LRRC73: variants seen among roughly 807,000 people sequenced by gnomAD.
The protein encoded by LRRC73 is leucine-rich repeat-containing protein 73.
A neutral mutation model predicts 26.4 loss-of-function variants in LRRC73; 16 were observed. The ratio of observed to expected loss-of-function variants is 0.61; its 90% CI spans 0.41 to 0.92. LRRC73 has a LOEUF of 0.92. LRRC73 is among the 40% of genes least tolerant of loss of function. The probability of loss-of-function intolerance (pLI) is 0.00; values close to 1 mark genes in which losing one functional copy is unlikely to be tolerated. For synonymous variants in LRRC73, 210 were observed against 179.8 expected (o/e 1.17, Z -1.34); for missense variants, 344 against 416.3 (o/e 0.83, Z 1.51).
At chr6:43,509,378 G>T in intron 1 of LRRC73, 136 bp downstream of exon 1, 1 of 1,160,490 alleles carries the variant, frequency 8.6e-7, no homozygotes, top group Non-Finnish European at 1.2e-6. Flanking sequence ...GAAGGCATGG[G>T]CCGAGGCACG....
rs1331312946 is a variant in LRRC73, at chr6:43,509,054, G to A, written c.273-134C>T. ...GCTTGAGAGGCCTGGAAAAGGAGAA[G>A]GAAAGTTCTAGATTCTCAGGGAATA... On this transcript the variant is annotated intron_variant, in intron 1 of 5. Transcript: ENST00000372441. 4.3e-6 allele frequency: 4 copies of A among 929,702 alleles called. No individual in the cohort carries two copies. In the East Asian group the frequency reaches 8.4e-5, roughly 20 times the overall value. The allele number at this position is 929,702 out of a possible 1,614,324, so 57.6% of individuals were successfully genotyped here. A position where few individuals can be genotyped will look rare whatever the true frequency, so the allele number is the denominator to read the frequency against.
chr6:43,510,031 G>T (rs1200238686), exon 1 of LRRC73: 1 of 298,650 alleles, frequency 3.3e-6, no homozygotes, highest in Non-Finnish European at 6.1e-6. Context: ...GCGCGGGCCG[G>T]GCTGAAGTGG....
exon 5 of LRRC73, chr6:43,507,511 T>C (rs1792530638): frequency 5.6e-6 from 9 of 1,613,148 alleles, no homozygotes; most frequent in African/African-American, 2.7e-5. Flanking sequence ...GCTCCCGCCC[T>C]CTCTCCCATT....
rs766285284 is a variant in LRRC73 at position 43,507,482 on chromosome 6, CCT to C, written c.852_853del (p.Gly285GlnfsTer28). The C allele has an allele frequency of 3.1e-6, 5 of 1,613,110 alleles. No individual in the cohort carries two copies. Among genetic ancestry groups the C allele is most frequent in the South Asian group, 2.2e-5 (2 of 91,088 alleles). ...GCTGGGGCACATCCAGGAGCTGCTG[CCT>C]CTCTGGTGGGCAGCAGGCTCCCGCC... is the stretch of plus-strand genomic sequence containing the variant. On this transcript the variant is annotated frameshift_variant, in exon 5 of 6. Coordinates refer to ENST00000372441, the Ensembl canonical transcript of LRRC73. LOFTEE classifies it high-confidence loss of function.
exon 1 of LRRC73, chr6:43,509,593 G>A (rs1365009486): frequency 2.5e-6 from 4 of 1,608,296 alleles, no homozygotes; most frequent in Non-Finnish European, 1.7e-6. Flanking sequence ...ACGACGCCCA[G>A]GTTAAGGTTG....
chr6:43,507,417 CT>C, intron 5 of LRRC73, 38 bp downstream of exon 5: 1 of 1,611,296 alleles, frequency 6.2e-7, no homozygotes, highest in Non-Finnish European at 8.5e-7. Flanking sequence ...TCCCGAGCCT[CT>C]TCCAGACCTG....
At chr6:43,507,844 G>A (rs968712353) in exon 4 of LRRC73, 2 of 1,613,814 alleles carry the variant, frequency 1.2e-6, no homozygotes, top group Non-Finnish European at 1.7e-6. Context: ...ACTGGTTGGT[G>A]AGCCCTGTGC....
At chr6:43,508,643 A>G in intron 2 of LRRC73, 117 bp downstream of exon 2, 1 of 1,439,550 alleles carries the variant, frequency 6.9e-7, no homozygotes, top group South Asian at 1.3e-5. Flanking sequence ...TCCTGAGAGG[A>G]GTAGAAAGAT....
At chr6:43,508,164 A>G in intron 3 of LRRC73, 134 bp downstream of exon 3, 2 of 1,325,060 alleles carry the variant, frequency 1.5e-6, no homozygotes, top group Non-Finnish European at 2.0e-6. Flanking sequence ...CCACAAAGCT[A>G]TCTCCTTGAC....
intron 2 of LRRC73, 94 bp from the exon 3 acceptor site, chr6:43,508,514 TGGCTG>T: frequency 6.4e-7 from 1 of 1,569,136 alleles, no homozygotes; most frequent in Non-Finnish European, 8.7e-7. Context: ...GTGTCCCTAG[TGGCTG>T]GGCACCACCT....
At position 43,509,534 on chromosome 6, in the gene LRRC73, G is replaced by A. The variant is rs138610250; in HGVS notation, c.252C>T (p.Asn84=). ...CTCACAAGAGGGACTGGATGGAGCG[G>A]TTGGTCCGCAGAGCCTCAGCCAGCT... The change falls in exon 1 of 6, where the codon AAC becomes AAT. Residue 84 remains asparagine, a synonymous_variant. Coordinates refer to ENST00000372441, the Ensembl canonical transcript of LRRC73. The A allele has an allele frequency of 8.1e-6, 13 of 1,609,210 alleles. No individual in the cohort carries two copies. In the African/African-American group the frequency reaches 1.2e-4, roughly 15 times the overall value.
At chr6:43,510,045 G>C (rs971100469) in exon 1 of LRRC73, 2 of 281,998 alleles carry the variant, frequency 7.1e-6, no homozygotes, top group African/African-American at 4.5e-5. Flanking sequence ...GAAGTGGGGC[G>C]GCGCTGGGGC....
chr6:43,508,261 G>A (rs918913996), intron 3 of LRRC73, 37 bp downstream of exon 3: 2 of 1,582,806 alleles, frequency 1.3e-6, no homozygotes, highest in African/African-American at 1.3e-5. Flanking sequence ...TAGGGCATGA[G>A]GCAGTGACAG....
At chr6:43,508,038 G>A (rs1792551940) in intron 3 of LRRC73, 112 bp from the exon 4 acceptor site, 3 of 1,077,414 alleles carry the variant, frequency 2.8e-6, no homozygotes, top group Non-Finnish European at 4.0e-6. Context: ...AAGGAAACAT[G>A]GACAATTGGT....
At chr6:43,508,015 C>T (rs878972768) in intron 3 of LRRC73, 89 bp from the exon 4 acceptor site, 5 of 1,192,508 alleles carry the variant, frequency 4.2e-6, no homozygotes, top group Admixed American at 2.1e-5. Context: ...ACTTTAGATA[C>T]TAATCCCTGG....
intron 3 of LRRC73, 130 bp downstream of exon 3, chr6:43,508,168 C>T: frequency 7.4e-7 from 1 of 1,354,170 alleles, no homozygotes; most frequent in Non-Finnish European, 9.9e-7. Flanking sequence ...AAAGCTATCT[C>T]CTTGACCCCT....
chr6:43,508,079 G>C (rs1266480586), intron 3 of LRRC73, among the ~76,000 whole-genome samples, 153 bp from the exon 4 acceptor site: 2 of 152,236 alleles, frequency 1.3e-5, no homozygotes, highest in African/African-American at 4.8e-5. Context: ...TGTGATTGGT[G>C]AGTGAAGGCA....
chr6:43,508,779 G>C (rs369007213), exon 2 of LRRC73: 64 of 1,611,674 alleles, frequency 4.0e-5, no homozygotes, highest in Non-Finnish European at 5.3e-5. Flanking sequence ...CCCCATCTGG[G>C]GGCAGGAGGC....
chr6:43,509,483 C>A (rs1249111875), intron 1 of LRRC73, 31 bp downstream of exon 1: 1 of 1,584,044 alleles, frequency 6.3e-7, no homozygotes, highest in Admixed American at 1.7e-5. Context: ...GGTGCAGTGC[C>A]CGGGACCCCC....
Sources: allele counts gnomAD v4.1 joint callset (sites outside exome capture counted in the v4.1 genomes callset), GRCh38; gene constraint gnomAD v4.1.1; transcripts MANE v1.5; gene names NCBI Gene and HGNC (gene_info 2026-07-23, HGNC 2026-07-21).